Variants in SCFD2 observed in about 807,000 individuals in gnomAD.
SCFD2 encodes sec1 family domain-containing protein 2.
Under a neutral mutation model 58.9 loss-of-function variants are expected in SCFD2, and 54 were observed. The ratio of observed to expected loss-of-function variants is 0.92; its 90% CI spans 0.74 to 1.15. The LOEUF (loss-of-function observed/expected upper bound fraction) is 1.15. Among genes scored for constraint, SCFD2 ranks in the 50% most tolerant of loss-of-function variants. The probability of loss-of-function intolerance (pLI) is 0.00; values close to 1 mark genes in which losing one functional copy is unlikely to be tolerated. For synonymous variants in SCFD2, 321 were observed against 335.9 expected (o/e 0.96, Z 0.49); for missense variants, 805 against 836.6 (o/e 0.96, Z 0.47).
At chr4:53,340,272 C>T (rs1733821587) in intron 2 of SCFD2, among the ~76,000 whole-genome samples, 1 of 152,218 alleles carries the variant, frequency 6.6e-6, no homozygotes, top group Non-Finnish European at 1.5e-5. Flanking sequence ...TAATACTGCA[C>T]TTTTCCAACG....
chr4:53,092,362 C>T (rs1338119371), intron 5 of SCFD2, among the ~76,000 whole-genome samples: 1 of 152,078 alleles, frequency 6.6e-6, no homozygotes, highest in East Asian at 1.9e-4. Context: ...AATGGTACAG[C>T]CACTCTGAAA....
At chr4:52,878,901 GAACC>G (rs1718541268) in intron 8 of SCFD2, among the ~76,000 whole-genome samples, 1 of 152,122 alleles carries the variant, frequency 6.6e-6, no homozygotes, top group African/African-American at 2.4e-5. Context: ...GAGGTACATA[GAACC>G]TAAACCTGGT....
chr4:53,117,157 C>T lies in SCFD2; in HGVS notation c.1561+28176G>A, dbSNP rs148241058. ...AGGGAATTCCAGACCACGCTGACTC[C>T]TATCAAGCTGCTGTGCCCCACCCCA... On this transcript the variant is annotated intron_variant, in intron 5 of 8. Transcript: ENST00000401642. Among the ~76,000 whole-genome samples the T allele has an allele frequency of 6.6e-5, 10 of 152,274 alleles. No homozygotes were observed. The East Asian group carries it at 1.9e-3, about 29-fold the overall frequency.
chr4:53,196,777 C>CA (rs200275749), intron 4 of SCFD2, among the ~76,000 whole-genome samples: 20,263 of 141,828 alleles, frequency 0.14, 1,444 homozygotes, highest in East Asian at 0.24. Flanking sequence ...AACTTTTCAT[C>CA]AAAAAAAAAA....
intron 5 of SCFD2, among the ~76,000 whole-genome samples, chr4:53,007,274 G>C (rs1451917855): frequency 6.9e-6 from 1 of 144,920 alleles, no homozygotes. Flanking sequence ...GTAAGACCTT[G>C]TTGAGAGGAG....
intron 5 of SCFD2, among the ~76,000 whole-genome samples, chr4:52,934,720 T>C (rs1016057842): frequency 6.6e-6 from 1 of 152,204 alleles, no homozygotes; most frequent in Non-Finnish European, 1.5e-5. Flanking sequence ...TAAAAAAGGT[T>C]GGAGAAATGC....
chr4:52,960,368 CTT>C (rs35967473), intron 5 of SCFD2, among the ~76,000 whole-genome samples: 150 of 135,098 alleles, frequency 1.1e-3, no homozygotes, highest in East Asian at 1.8e-3. Flanking sequence ...TCTTCTTCTT[CTT>C]TTTTTTTTTT....
intron 5 of SCFD2, among the ~76,000 whole-genome samples, chr4:53,139,824 G>A (rs1406475816): frequency 6.6e-6 from 1 of 152,260 alleles, no homozygotes; most frequent in Admixed American, 6.5e-5. Context: ...TGTCTGGAAA[G>A]AATTAGACAT....
intron 4 of SCFD2, among the ~76,000 whole-genome samples, chr4:53,237,636 G>A (rs1729683803): frequency 7.3e-6 from 1 of 136,206 alleles, no homozygotes; most frequent in Non-Finnish European, 1.6e-5. Context: ...GGCTGGCCGG[G>A]CGGGGGGCTG....
chr4:53,143,795 T>TACAC (rs113492027), intron 5 of SCFD2, among the ~76,000 whole-genome samples: 77,818 of 146,404 alleles, frequency 0.53, 20,439 homozygotes, highest in South Asian at 0.66. Context: ...CACCTAAACA[T>TACAC]ACACACACAC....
At chr4:53,268,130 G>A (rs1408242056) in intron 4 of SCFD2, among the ~76,000 whole-genome samples, 1 of 152,106 alleles carries the variant, frequency 6.6e-6, no homozygotes, top group Non-Finnish European at 1.5e-5. Context: ...AGTATGAAGA[G>A]GGTGTCCACA....
intron 5 of SCFD2, among the ~76,000 whole-genome samples, chr4:53,112,452 G>C (rs1489807910): frequency 6.6e-6 from 1 of 152,064 alleles, no homozygotes; most frequent in Non-Finnish European, 1.5e-5. Context: ...TCTACGGTGA[G>C]CAGAGAACAG....
At chr4:53,151,330 T>G (rs1251607629) in intron 4 of SCFD2, among the ~76,000 whole-genome samples, 1 of 152,212 alleles carries the variant, frequency 6.6e-6, no homozygotes, top group Admixed American at 6.5e-5. Flanking sequence ...TTGATATAAA[T>G]GGGCTTACTA....
intron 3 of SCFD2, among the ~76,000 whole-genome samples, chr4:53,280,473 C>A (rs1337266771): frequency 2.0e-5 from 3 of 151,750 alleles, no homozygotes; most frequent in Non-Finnish European, 4.4e-5. Flanking sequence ...CTGAGATTGC[C>A]CCATTGCACT....
At chr4:52,909,473 G>A (rs1382786351) in intron 6 of SCFD2, among the ~76,000 whole-genome samples, 1 of 152,174 alleles carries the variant, frequency 6.6e-6, no homozygotes, top group African/African-American at 2.4e-5. Flanking sequence ...AAGTGGCAGG[G>A]GGAATACGGA....
intron 8 of SCFD2, among the ~76,000 whole-genome samples, chr4:52,878,759 C>T (rs940055649): frequency 3.9e-5 from 6 of 152,204 alleles, no homozygotes; most frequent in Non-Finnish European, 8.8e-5. Context: ...TTTCAGAGAA[C>T]TGGTCTTTTC....
chr4:53,023,119 G>A (rs1445903201), intron 5 of SCFD2, among the ~76,000 whole-genome samples: 3 of 152,128 alleles, frequency 2.0e-5, no homozygotes, highest in Admixed American at 1.3e-4. Context: ...GAAATACTTA[G>A]ACTCATGGGT....
At chr4:53,328,983 C>T (rs1263230331) in intron 2 of SCFD2, among the ~76,000 whole-genome samples, 11 of 152,196 alleles carry the variant, frequency 7.2e-5, no homozygotes, top group South Asian at 6.2e-4. Flanking sequence ...AAAGGGGTGA[C>T]GGACACACCT....
chr4:53,159,917 G>A (rs895650455), intron 4 of SCFD2, among the ~76,000 whole-genome samples: 1 of 152,102 alleles, frequency 6.6e-6, no homozygotes, highest in Admixed American at 6.5e-5. Flanking sequence ...GAAAAAGGAT[G>A]GGATGCACTT....
Sources: gnomAD v4.1 joint callset for allele counts (sites outside exome capture counted in the v4.1 genomes callset) on GRCh38, gnomAD v4.1.1 for gene constraint, MANE v1.5 for transcripts, NCBI Gene and HGNC (gene_info 2026-07-23, HGNC 2026-07-21) for gene names.